Variants in SPOCK3 observed in about 807,000 individuals in gnomAD.
The protein encoded by SPOCK3 is SPARC (osteonectin), cwcv and kazal like domains proteoglycan 3.
In SPOCK3, 30 loss-of-function variants were observed where a neutral mutation model predicts 56.6. The observed-to-expected ratio is 0.53, with a 90% CI of 0.40 to 0.72. The LOEUF (loss-of-function observed/expected upper bound fraction) is 0.72, where lower values mean the gene tolerates loss of function less well. Ranked by LOEUF, SPOCK3 falls within the 30% of genes least tolerant of loss-of-function variation. The pLI is 0.00. For synonymous variants in SPOCK3, 196 were observed against 183.3 expected, an observed-to-expected ratio of 1.07 and a Z score of -0.56; for missense variants, 527 against 530.0, an observed-to-expected ratio of 0.99 and a Z score of 0.06.
At chr4:167,014,209 T>A (rs1750371745) in intron 3 of SPOCK3, among the ~76,000 whole-genome samples, 1 of 151,852 alleles carries the variant, frequency 6.6e-6, no homozygotes, top group Admixed American at 6.6e-5. Flanking sequence ...ATTTCCTCCA[T>A]GCAATAAAAT....
At chr4:166,864,802 C>T (rs60537597) in intron 6 of SPOCK3, among the ~76,000 whole-genome samples, 5,967 of 150,638 alleles carry the variant, frequency 0.04, 352 homozygotes, top group African/African-American at 0.13. Flanking sequence ...AGCCTACCAA[C>T]AAAAAAAAAG....
At chr4:166,871,697 T>C (rs1732496452) in intron 6 of SPOCK3, among the ~76,000 whole-genome samples, 1 of 151,708 alleles carries the variant, frequency 6.6e-6, no homozygotes, top group African/African-American at 2.4e-5. Context: ...CTACAAATAA[T>C]ATAAGACAGT....
chr4:166,853,864 A>G (rs1166914299), intron 6 of SPOCK3, among the ~76,000 whole-genome samples: 1 of 152,062 alleles, frequency 6.6e-6, no homozygotes, highest in East Asian at 1.9e-4. Context: ...CCTGGGCGAC[A>G]GAGGAAGACT....
intron 4 of SPOCK3, among the ~76,000 whole-genome samples, chr4:166,945,689 C>T (rs961267109): frequency 6.6e-6 from 1 of 152,178 alleles, no homozygotes; most frequent in Non-Finnish European, 1.5e-5. Flanking sequence ...CCTAGTTGGG[C>T]TCTGATCCTC....
intron 5 of SPOCK3, among the ~76,000 whole-genome samples, chr4:166,909,865 A>C (rs137868401): frequency 6.6e-6 from 1 of 152,068 alleles, no homozygotes; most frequent in African/African-American, 2.4e-5. Flanking sequence ...TCTATATTCT[A>C]TTTTCAACTC....
intron 2 of SPOCK3, among the ~76,000 whole-genome samples, chr4:167,105,135 A>T (rs897525148): frequency 6.6e-6 from 1 of 152,030 alleles, no homozygotes; most frequent in Non-Finnish European, 1.5e-5. Flanking sequence ...AGGAAAAAAA[A>T]ATCACAGAAT....
At chr4:166,741,923 G>A (rs1401489648) in intron 9 of SPOCK3, 74 bp downstream of exon 9, 2 of 1,050,422 alleles carry the variant, frequency 1.9e-6, no homozygotes, top group Non-Finnish European at 2.9e-6. Flanking sequence ...GATTAATATT[G>A]ATTTTATGTT....
intron 8 of SPOCK3, among the ~76,000 whole-genome samples, chr4:166,750,751 GATAA>G (rs1339551364): frequency 2.0e-5 from 3 of 152,108 alleles, no homozygotes; most frequent in East Asian, 1.9e-4. Flanking sequence ...ATGTAATTGG[GATAA>G]ATAAATTTAA....
At chr4:167,027,729 T>A (rs1751834477) in intron 3 of SPOCK3, among the ~76,000 whole-genome samples, 1 of 151,974 alleles carries the variant, frequency 6.6e-6, no homozygotes, top group South Asian at 2.1e-4. Context: ...GAAGAGAAAA[T>A]ATATTTGTTA....
At chr4:166,752,385 A>G (rs1736489501) in intron 8 of SPOCK3, among the ~76,000 whole-genome samples, 1 of 152,154 alleles carries the variant, frequency 6.6e-6, no homozygotes, top group African/African-American at 2.4e-5. Flanking sequence ...TGTGAAAGTT[A>G]CTTTTTAGAA....
At chr4:167,193,584 G>A (rs564166926) in intron 2 of SPOCK3, among the ~76,000 whole-genome samples, 2 of 145,862 alleles carry the variant, frequency 1.4e-5, no homozygotes, top group Non-Finnish European at 3.0e-5. Flanking sequence ...TACAGTATCA[G>A]AATATCCCAA....
intron 3 of SPOCK3, 72 bp from the exon 4 acceptor site, chr4:167,000,535 A>ATTGTG: frequency 1.4e-6 from 1 of 714,362 alleles, no homozygotes; most frequent in Non-Finnish European, 2.4e-6. Context: ...ATCAAACACA[A>ATTGTG]TTTGATCAGG....
chr4:167,207,767 G>A (rs1734492222), intron 2 of SPOCK3, among the ~76,000 whole-genome samples: 1 of 151,976 alleles, frequency 6.6e-6, no homozygotes, highest in African/African-American at 2.4e-5. Flanking sequence ...TATACCTAAT[G>A]CTAAATGACG....
intron 3 of SPOCK3, among the ~76,000 whole-genome samples, chr4:167,030,610 G>C (rs752588043): frequency 1.6e-4 from 24 of 152,004 alleles, no homozygotes; most frequent in Non-Finnish European, 2.9e-4. Context: ...AAGGTAAATT[G>C]TTTTATGATT....
Position 167,189,449 on chromosome 4 carries a change from T to C in SPOCK3, c.189+44536A>G, listed in dbSNP as rs151096357. Among the ~76,000 whole-genome samples the C allele has an allele frequency of 3.5e-4, 51 of 145,848 alleles. 6 individuals carry two copies. The East Asian group carries it at 0.01, about 30-fold the overall frequency. On this transcript the variant is annotated intron_variant, in intron 2 of 10. Coordinates refer to ENST00000357545, the MANE Select transcript of SPOCK3 (RefSeq NM_001040159.2). The stretch of plus-strand genomic sequence containing the variant: ...CTGATTTTATAAACTTTTAAAGGCA[T>C]TCATCAGTCCAAAAAAAATTTATTA...
intron 4 of SPOCK3, among the ~76,000 whole-genome samples, chr4:166,915,269 A>G (rs1489798622): frequency 6.6e-6 from 1 of 152,146 alleles, no homozygotes; most frequent in African/African-American, 2.4e-5. Context: ...GTGTATGTGT[A>G]TACCTCTGTA....
chr4:166,969,287 T>C (rs1479183181), intron 4 of SPOCK3, among the ~76,000 whole-genome samples: 1 of 152,196 alleles, frequency 6.6e-6, no homozygotes, highest in Non-Finnish European at 1.5e-5. Context: ...GCTTGTGCTT[T>C]GAAATGTGAG....
At chr4:166,982,693 G>A (rs891447381) in intron 4 of SPOCK3, among the ~76,000 whole-genome samples, 2 of 152,092 alleles carry the variant, frequency 1.3e-5, no homozygotes, top group East Asian at 3.9e-4. Flanking sequence ...TTTTTATTAT[G>A]TTTATGTTTC....
intron 3 of SPOCK3, among the ~76,000 whole-genome samples, chr4:167,040,387 G>A (rs1316935913): frequency 6.6e-6 from 1 of 152,096 alleles, no homozygotes. Context: ...GTAACTTTAG[G>A]CAAGTCCCTT....
Sources: allele counts gnomAD v4.1 joint callset (sites outside exome capture counted in the v4.1 genomes callset), GRCh38; gene constraint gnomAD v4.1.1; transcripts MANE v1.5; gene names NCBI Gene and HGNC (gene_info 2026-07-23, HGNC 2026-07-21).